RLN2: variants seen among roughly 807,000 people sequenced by gnomAD.
RLN2 encodes the protein relaxin 2.
A neutral mutation model predicts 7.3 loss-of-function variants in RLN2; 10 were observed. The ratio of observed to expected loss-of-function variants is 1.36; its 90% CI spans 0.84 to 2.31. The LOEUF (loss-of-function observed/expected upper bound fraction) is 2.31, where lower values mean the gene tolerates loss of function less well. RLN2 is among the 30% of genes most tolerant of loss of function. The pLI is 0.00. For synonymous variants in RLN2, 103 were observed against 82.3 expected (o/e 1.25, Z -1.36); for missense variants, 298 against 217.6 (o/e 1.37, Z -2.32).
At chr9:5,315,042 A>T in the RLN2 span, among the ~76,000 whole-genome samples, 7 of 150,964 alleles carry the variant, frequency 4.6e-5, no homozygotes, top group African/African-American at 1.7e-4. Context: ...ATGCACAGAC[A>T]TCAATGCAAG....
chr9:5,304,339 G>T, intron 1 of RLN2, 31 bp downstream of exon 1: 7 of 1,492,062 alleles, frequency 4.7e-6, no homozygotes, highest in South Asian at 1.2e-5. Flanking sequence ...TGGGAAGCGC[G>T]GGAAGGCCGG....
At chr9:5,307,006 C>T (rs1271639703), upstream of RLN2, among the ~76,000 whole-genome samples, 1 of 151,938 alleles carries the variant, frequency 6.6e-6, no homozygotes, top group Non-Finnish European at 1.5e-5. Flanking sequence ...TCTTTCCTTC[C>T]TGAAGCAGAC....
chr9:5,308,595 C>G (rs1013085325), upstream of RLN2, among the ~76,000 whole-genome samples: 3 of 151,976 alleles, frequency 2.0e-5, no homozygotes, highest in African/African-American at 7.3e-5. Flanking sequence ...GACCCCAGAG[C>G]CCGGCTCTTC....
At chr9:5,316,266 CT>C in the RLN2 span, among the ~76,000 whole-genome samples, 1 of 151,714 alleles carries the variant, frequency 6.6e-6, no homozygotes, top group Non-Finnish European at 1.5e-5. Flanking sequence ...CTTTCTTCTG[CT>C]TTTTTGTTAT....
At chr9:5,313,164 A>C in the RLN2 span, among the ~76,000 whole-genome samples, 6 of 152,028 alleles carry the variant, frequency 3.9e-5, no homozygotes, top group African/African-American at 1.5e-4. Flanking sequence ...TGTTGCTGAA[A>C]GTGAGATACT....
At chr9:5,327,698 A>G in the RLN2 span, among the ~76,000 whole-genome samples, 1 of 152,000 alleles carries the variant, frequency 6.6e-6, no homozygotes, top group Non-Finnish European at 1.5e-5. Context: ...TCTGGGATGA[A>G]GCTTCCAGAG....
chr9:5,318,529 G>A, the RLN2 span, among the ~76,000 whole-genome samples: 1 of 151,816 alleles, frequency 6.6e-6, no homozygotes, highest in African/African-American at 2.4e-5. Context: ...ACCTTTCAAA[G>A]AAGTTTATTC....
chr9:5,322,303 A>G, the RLN2 span, among the ~76,000 whole-genome samples: 1 of 152,154 alleles, frequency 6.6e-6, no homozygotes. Context: ...GCTCAGATTT[A>G]GGAAGGTGAG....
chr9:5,332,486 A>G, the RLN2 span, among the ~76,000 whole-genome samples: 2 of 152,144 alleles, frequency 1.3e-5, no homozygotes, highest in South Asian at 2.1e-4. Flanking sequence ...TGTTGAATTT[A>G]CATCATTATT....
the RLN2 span, among the ~76,000 whole-genome samples, chr9:5,321,191 G>A: frequency 1.3e-5 from 2 of 152,104 alleles, no homozygotes; most frequent in African/African-American, 4.8e-5. Flanking sequence ...TTAGTGGTAA[G>A]TATGAATGTG....
chr9:5,307,070 G>C (rs1038472382), upstream of RLN2, among the ~76,000 whole-genome samples: 1 of 152,024 alleles, frequency 6.6e-6, no homozygotes, highest in South Asian at 2.1e-4. Flanking sequence ...GGAGCATAAA[G>C]AGGAAGGTCT....
At chr9:5,335,290 T>G in the RLN2 span, 2 of 1,601,074 alleles carry the variant, frequency 1.2e-6, no homozygotes, top group Non-Finnish European at 1.7e-6. Context: ...TACAACCAAT[T>G]AGGCAACATT....
rs1816205452 is a variant in RLN2 at position 5,304,568 on chromosome 9, A to AT, written c.12_13insA (p.Phe5IlefsTer29). On this transcript the variant is annotated frameshift_variant, in exon 1 of 2. Transcript: ENST00000381627. LOFTEE classifies it high-confidence loss of function. ...CAGACTCCTAGCAGGTGGAAAAAAAACAGGCGAGGCATCCTGGGCCTGGTC... is the reference window on the plus strand; with the variant it reads ...CAGACTCCTAGCAGGTGGAAAAAAAATCAGGCGAGGCATCCTGGGCCTGGTC... 1 of 1,613,676 alleles carries AT rather than the reference A, an allele frequency of 6.2e-7. No homozygotes were observed. Among genetic ancestry groups the AT allele is most frequent in the South Asian group, 1.1e-5 (1 of 91,042 alleles).
chr9:5,334,349 T>C, the RLN2 span, among the ~76,000 whole-genome samples: 1 of 151,936 alleles, frequency 6.6e-6, no homozygotes, highest in Non-Finnish European at 1.5e-5. Flanking sequence ...TTTACAGACA[T>C]TTGATGGAGG....
chr9:5,314,015 A>C, the RLN2 span, among the ~76,000 whole-genome samples: 3 of 151,812 alleles, frequency 2.0e-5, no homozygotes, highest in African/African-American at 7.3e-5. Flanking sequence ...AGCCCCCATC[A>C]CCACCTTAGG....
Position 5,304,441 on chromosome 9 carries a change from C to T in RLN2, c.140G>A (p.Cys47Tyr). ...CCTTTTGCTCCAGGTGCTCATGCCGCAAATGGCAATCTGCGCGCGAACTAA... is the reference window on the plus strand; with the variant it reads ...CCTTTTGCTCCAGGTGCTCATGCCGTAAATGGCAATCTGCGCGCGAACTAA... ...RELVRAQIAICGMSTWSKRSL... is the reference protein window; with the variant it reads ...RELVRAQIAIYGMSTWSKRSL... Residue 47 changes from cysteine (C) to tyrosine (Y), a missense_variant, in exon 1 of 2, where the codon TGC (cysteine) becomes TAC (tyrosine). Cys to Tyr is a radical substitution (Grantham distance 194). Coordinates refer to ENST00000381627, the MANE Select transcript of RLN2 (RefSeq NM_134441.3). 1 of 1,612,866 alleles carries T rather than the reference C, an allele frequency of 6.2e-7. No individual in the cohort carries two copies. Among genetic ancestry groups the T allele is most frequent in the Non-Finnish European group, 8.5e-7 (1 of 1,179,702 alleles).
chr9:5,311,691 C>G, the RLN2 span: 1 of 1,261,798 alleles, frequency 7.9e-7, no homozygotes, highest in Non-Finnish European at 1.1e-6. Context: ...GCACAGAAAG[C>G]CGAAGGTGCT....
Position 5,299,979 on chromosome 9 carries a change from AATATC to A in RLN2, c.*114_*118del, listed in dbSNP as rs1475616543. Reference sequence around the variant, plus strand: ...GATATTCTAAGAATTGATGGGACCTAATATCTAACAAAGATTCTTAGATATTCTAA... The same window carrying A: ...GATATTCTAAGAATTGATGGGACCTATAACAAAGATTCTTAGATATTCTAA... On this transcript the variant is annotated 3_prime_UTR_variant, in exon 2 of 2. Transcript: ENST00000381627. 1 of 595,140 alleles carries A rather than the reference AATATC, an allele frequency of 1.7e-6. No individual in the cohort carries two copies. The highest frequency in any genetic ancestry group is 1.9e-5 in the African/African-American group (1 of 53,556). The allele number at this position is 595,140 out of a possible 1,614,324, so 36.9% of individuals were successfully genotyped here. A position where few individuals can be genotyped will look rare whatever the true frequency, so the allele number is the denominator to read the frequency against.
chr9:5,306,115 T>TG (rs201175896), upstream of RLN2, among the ~76,000 whole-genome samples: 95 of 150,216 alleles, frequency 6.3e-4, 2 homozygotes, highest in Middle Eastern at 3.5e-3. Flanking sequence ...TTTTGTTTTT[T>TG]TTTTTTTTTT....
Sources: gnomAD v4.1 joint callset for allele counts (sites outside exome capture counted in the v4.1 genomes callset) on GRCh38, gnomAD v4.1.1 for gene constraint, MANE v1.5 for transcripts, NCBI Gene and HGNC (gene_info 2026-07-23, HGNC 2026-07-21) for gene names.